GALNT13: variants seen among roughly 807,000 people sequenced by gnomAD.
GALNT13 encodes polypeptide N-acetylgalactosaminyltransferase 13, also known as UDP-GalNAc:polypeptide N-acetylgalactosaminyltransferase 13.
A neutral mutation model predicts 64.2 loss-of-function variants in GALNT13; 28 were observed. The observed-to-expected ratio is 0.44, with a 90% confidence interval of 0.32 to 0.60. GALNT13 has a LOEUF of 0.60. GALNT13 is among the 20% of genes least tolerant of loss of function. GALNT13 has a pLI of 0.05. For missense variants in GALNT13, 577 were observed against 669.8 expected (o/e 0.86, Z 1.53); for synonymous variants, 214 against 224.6 (o/e 0.95, Z 0.42).
chr2:153,359,139 T>A, the GALNT13 span, among the ~76,000 whole-genome samples: 1 of 152,214 alleles, frequency 6.6e-6, no homozygotes, highest in African/African-American at 2.4e-5. Context: ...TGATGGTAAT[T>A]ATCAATGATT....
the GALNT13 span, among the ~76,000 whole-genome samples, chr2:153,736,779 A>G: frequency 2.6e-5 from 4 of 151,720 alleles, no homozygotes; most frequent in African/African-American, 9.7e-5. Flanking sequence ...TCCTTCTTTG[A>G]CATTATCTTC....
At chr2:153,079,636 G>T in the GALNT13 span, among the ~76,000 whole-genome samples, 1 of 152,152 alleles carries the variant, frequency 6.6e-6, no homozygotes, top group Non-Finnish European at 1.5e-5. Flanking sequence ...TAGCCTTGGG[G>T]TATATCTGAA....
At chr2:153,287,764 C>T in the GALNT13 span, among the ~76,000 whole-genome samples, 1 of 152,240 alleles carries the variant, frequency 6.6e-6, no homozygotes, top group South Asian at 2.1e-4. Context: ...TGTTTGTGCC[C>T]GCTATGGTCT....
the GALNT13 span, among the ~76,000 whole-genome samples, chr2:153,538,321 TAA>T: frequency 9.4e-6 from 1 of 105,884 alleles, no homozygotes; most frequent in Non-Finnish European, 1.7e-5. Flanking sequence ...TTTTTTTTTT[TAA>T]TTCTTTTTTT....
chr2:154,409,517 ATAG>A (rs965178117), intron 11 of GALNT13, among the ~76,000 whole-genome samples: 4 of 152,046 alleles, frequency 2.6e-5, no homozygotes, highest in Admixed American at 2.6e-4. Context: ...GTTTAAGTAT[ATAG>A]TTCAGTGTTG....
In GALNT13 at chr2:154,221,254, A is replaced by G. The variant is rs1279351310; in HGVS notation, c.312-20776A>G. 5.9e-5 allele frequency among the ~76,000 whole-genome samples: 9 copies of G among 151,972 alleles called. No individual in the cohort carries two copies. In the East Asian group the frequency reaches 1.5e-3, roughly 26 times the overall value. The stretch of plus-strand genomic sequence containing the variant: ...GCCTGCTTTCCTTATCATACGAATA[A>G]TTATTAATAGAAATAGTAATGTTTA... On this transcript the variant is annotated intron_variant, in intron 4 of 12. Coordinates refer to ENST00000392825, the MANE Select transcript of GALNT13 (RefSeq NM_052917.4).
chr2:153,597,174 A>G, the GALNT13 span, among the ~76,000 whole-genome samples: 4 of 152,206 alleles, frequency 2.6e-5, no homozygotes, highest in African/African-American at 9.6e-5. Flanking sequence ...TTTCAGGCAC[A>G]GTGCAAAATG....
intron 8 of GALNT13, among the ~76,000 whole-genome samples, chr2:154,291,099 A>C (rs1299289093): frequency 6.6e-6 from 1 of 152,072 alleles, no homozygotes; most frequent in Non-Finnish European, 1.5e-5. Flanking sequence ...AAGGGACCTG[A>C]GTAGGTTGCC....
At chr2:154,043,455 T>TATACACACACAC (rs1341373277) in intron 3 of GALNT13, among the ~76,000 whole-genome samples, 2 of 105,018 alleles carry the variant, frequency 1.9e-5, no homozygotes, top group African/African-American at 8.1e-5. Flanking sequence ...TATATATATA[T>TATACACACACAC]ACACACATGT....
intron 9 of GALNT13, among the ~76,000 whole-genome samples, chr2:154,383,973 G>A (rs1275415741): frequency 6.6e-6 from 1 of 151,760 alleles, no homozygotes; most frequent in Non-Finnish European, 1.5e-5. Context: ...GCAAATAGTA[G>A]TTCAGCTAAT....
chr2:153,625,000 T>G, the GALNT13 span, among the ~76,000 whole-genome samples: 1 of 151,910 alleles, frequency 6.6e-6, no homozygotes, highest in Non-Finnish European at 1.5e-5. Context: ...AAGACTGAGG[T>G]CAGAATAGAA....
At chr2:153,070,240 C>T in the GALNT13 span, among the ~76,000 whole-genome samples, 2 of 152,150 alleles carry the variant, frequency 1.3e-5, no homozygotes, top group South Asian at 2.1e-4. Context: ...AAGATTCCAG[C>T]CATATGGCAT....
chr2:153,167,861 G>T, the GALNT13 span, among the ~76,000 whole-genome samples: 9 of 152,166 alleles, frequency 5.9e-5, no homozygotes, highest in Admixed American at 2.0e-4. Flanking sequence ...TCCAGGAAAG[G>T]AACAAAGAGG....
intron 9 of GALNT13, among the ~76,000 whole-genome samples, chr2:154,374,422 T>C (rs1697863626): frequency 6.6e-6 from 1 of 152,198 alleles, no homozygotes; most frequent in South Asian, 2.1e-4. Flanking sequence ...GGCTCTTGTT[T>C]AGTACAAGGA....
the GALNT13 span, among the ~76,000 whole-genome samples, chr2:153,787,273 C>A: frequency 1.3e-5 from 2 of 152,096 alleles, no homozygotes; most frequent in African/African-American, 4.8e-5. Context: ...CAAAAGCCTA[C>A]CAACTGACCG....
downstream of GALNT13, among the ~76,000 whole-genome samples, chr2:154,455,690 A>G (rs1483830992): frequency 6.6e-6 from 1 of 152,198 alleles, no homozygotes; most frequent in Non-Finnish European, 1.5e-5. Flanking sequence ...GTGTTGAATG[A>G]GCACCAGCAA....
At position 153,890,791 on chromosome 2, in the gene GALNT13, T is replaced by G. The variant is rs546488791; in HGVS notation, c.-176-10145T>G. Among the ~76,000 whole-genome samples, 32 of 152,148 alleles carry G rather than the reference T, an allele frequency of 2.1e-4. No homozygotes were observed. In the South Asian group the frequency reaches 2.9e-3, roughly 14 times the overall value. On this transcript the variant is annotated intron_variant, in intron 1 of 12. Transcript: ENST00000392825. ...TCCTGTGACATGCTGTGCCTCAGAC[T>G]GCTTGACTGACCTTGCCGTTTAGAG...
the GALNT13 span, among the ~76,000 whole-genome samples, chr2:153,534,102 T>C: frequency 1.3e-5 from 2 of 152,140 alleles, no homozygotes; most frequent in Non-Finnish European, 2.9e-5. Context: ...CTTTATCCTT[T>C]AGAACCCTTA....
chr2:154,360,001 A>G (rs1486311529), intron 9 of GALNT13, among the ~76,000 whole-genome samples: 1 of 152,182 alleles, frequency 6.6e-6, no homozygotes, highest in Non-Finnish European at 1.5e-5. Flanking sequence ...TTAATGAGCA[A>G]AGACAATATT....
Sources: allele counts gnomAD v4.1 joint callset (sites outside exome capture counted in the v4.1 genomes callset), GRCh38; gene constraint gnomAD v4.1.1; transcripts MANE v1.5; gene names NCBI Gene and HGNC (gene_info 2026-07-23, HGNC 2026-07-21).